IMMP2L: variants seen among roughly 807,000 people sequenced by gnomAD.
IMMP2L encodes inner mitochondrial membrane peptidase subunit 2.
Under a neutral mutation model 19.3 loss-of-function variants are expected in IMMP2L, and 18 were observed. The ratio of observed to expected loss-of-function variants is 0.93; its 90% CI spans 0.64 to 1.38. The LOEUF (loss-of-function observed/expected upper bound fraction) is 1.38, where lower values mean the gene tolerates loss of function less well. Among genes scored for constraint, IMMP2L ranks in the 40% most tolerant of loss-of-function variants. The probability of loss-of-function intolerance (pLI) is 0.00; values close to 1 mark genes in which losing one functional copy is unlikely to be tolerated. For synonymous variants in IMMP2L, 76 were observed against 73.0 expected, an observed-to-expected ratio of 1.04 and a Z score of -0.21; for missense variants, 233 against 218.2, an observed-to-expected ratio of 1.07 and a Z score of -0.43.
chr7:110,925,760 T>C (rs1330069571), intron 4 of IMMP2L, among the ~76,000 whole-genome samples: 1 of 151,998 alleles, frequency 6.6e-6, no homozygotes, highest in East Asian at 1.9e-4. Context: ...AACTGCTAAA[T>C]GTGTAAGCAA....
chr7:111,208,219 A>T (rs1200950302), intron 3 of IMMP2L, among the ~76,000 whole-genome samples: 1 of 152,318 alleles, frequency 6.6e-6, no homozygotes, highest in Non-Finnish European at 1.5e-5. Context: ...TATTTTAACA[A>T]CATTCTCTCA....
intron 3 of IMMP2L, among the ~76,000 whole-genome samples, chr7:111,046,237 G>C (rs904771639): frequency 6.6e-6 from 1 of 151,912 alleles, no homozygotes; most frequent in Non-Finnish European, 1.5e-5. Context: ...ATAAACTGTA[G>C]ACTTACCACA....
intron 3 of IMMP2L, among the ~76,000 whole-genome samples, chr7:111,470,768 T>G (rs1444651899): frequency 4.0e-5 from 6 of 149,686 alleles, no homozygotes; most frequent in Non-Finnish European, 5.9e-5. Flanking sequence ...GAGATATACC[T>G]AATGCTAAAT....
At chr7:110,832,929 T>C (rs888435862) in intron 5 of IMMP2L, among the ~76,000 whole-genome samples, 2 of 152,212 alleles carry the variant, frequency 1.3e-5, no homozygotes, top group African/African-American at 2.4e-5. Context: ...CAGGTTTCCC[T>C]GCTCCCTCCA....
intron 5 of IMMP2L, among the ~76,000 whole-genome samples, chr7:110,664,581 G>A (rs1323433257): frequency 2.0e-5 from 3 of 152,036 alleles, no homozygotes; most frequent in African/African-American, 7.2e-5. Context: ...CATCAATTTC[G>A]GTGAACAGGA....
At chr7:111,059,929 A>G (rs917199722) in intron 3 of IMMP2L, among the ~76,000 whole-genome samples, 4 of 145,758 alleles carry the variant, frequency 2.7e-5, no homozygotes, top group Non-Finnish European at 4.4e-5. Context: ...TTGTGAAAAA[A>G]AAAAAAGAAA....
intron 4 of IMMP2L, among the ~76,000 whole-genome samples, chr7:110,891,059 T>C (rs1448706661): frequency 6.6e-6 from 1 of 152,000 alleles, no homozygotes; most frequent in Non-Finnish European, 1.5e-5. Flanking sequence ...ATTTTTCAAA[T>C]TATTCTCTTA....
chr7:110,997,870 T>C (rs1253106658), intron 3 of IMMP2L, among the ~76,000 whole-genome samples: 1 of 152,116 alleles, frequency 6.6e-6, no homozygotes, highest in East Asian at 1.9e-4. Flanking sequence ...AAAAAATATA[T>C]ACATGTGGAA....
At position 111,397,014 on chromosome 7, in the gene IMMP2L, G is replaced by A. The variant is rs190357943; in HGVS notation, c.239+90224C>T. ...GACGCAGGAGAATGGTATGAACCAG[G>A]GAGGCAGAGCTTGCAGTGAGCTGAG... On this transcript the variant is annotated intron_variant, in intron 3 of 5. Transcript: ENST00000405709. 5.8e-4 allele frequency among the ~76,000 whole-genome samples: 88 copies of A among 152,146 alleles called. 2 individuals carry two copies. The highest frequency in any genetic ancestry group is 2.0e-3 in the African/African-American group (82 of 41,524).
At chr7:111,236,747 C>T (rs999875010) in intron 3 of IMMP2L, among the ~76,000 whole-genome samples, 1 of 152,146 alleles carries the variant, frequency 6.6e-6, no homozygotes, top group African/African-American at 2.4e-5. Context: ...AGACTACCAA[C>T]ATTCACCTGG....
At chr7:111,236,048 T>A (rs1407909718) in intron 3 of IMMP2L, among the ~76,000 whole-genome samples, 1 of 152,096 alleles carries the variant, frequency 6.6e-6, no homozygotes, top group Non-Finnish European at 1.5e-5. Context: ...CATCTTCCAT[T>A]TCTGTGCTTA....
At chr7:111,555,449 T>A (rs1254917915) in intron 1 of IMMP2L, among the ~76,000 whole-genome samples, 1 of 71,672 alleles carries the variant, frequency 1.4e-5, no homozygotes, top group Non-Finnish European at 3.6e-5. Flanking sequence ...GACAACCTAA[T>A]CTTCATTCAC....
At chr7:110,768,002 A>G (rs759383028) in intron 5 of IMMP2L, among the ~76,000 whole-genome samples, 1 of 152,228 alleles carries the variant, frequency 6.6e-6, no homozygotes, top group Non-Finnish European at 1.5e-5. Context: ...GCAGTAAACT[A>G]GTGTGCAAAA....
intron 2 of IMMP2L, among the ~76,000 whole-genome samples, chr7:111,498,296 A>T (rs1333030104): frequency 6.6e-6 from 1 of 152,176 alleles, no homozygotes; most frequent in East Asian, 1.9e-4. Context: ...AGTTCTAATT[A>T]ACCATATCAG....
At chr7:110,962,155 T>C (rs1269895948) in intron 4 of IMMP2L, among the ~76,000 whole-genome samples, 1 of 151,972 alleles carries the variant, frequency 6.6e-6, no homozygotes, top group Admixed American at 6.6e-5. Context: ...GACATGAAAA[T>C]TGTTGCTACG....
At chr7:110,718,801 G>A (rs17157920) in intron 5 of IMMP2L, among the ~76,000 whole-genome samples, 1 of 152,090 alleles carries the variant, frequency 6.6e-6, no homozygotes, top group Non-Finnish European at 1.5e-5. Context: ...GCAGATAGAG[G>A]TTGGCTCAGG....
intron 3 of IMMP2L, among the ~76,000 whole-genome samples, chr7:111,306,650 G>C (rs1822911285): frequency 9.0e-6 from 1 of 111,198 alleles, no homozygotes; most frequent in Non-Finnish European, 1.9e-5. Flanking sequence ...GTGTGTGTGT[G>C]TGTGTCCAGT....
At chr7:111,142,339 AAAAAGAAAGAAAG>A (rs1462654198) in intron 3 of IMMP2L, among the ~76,000 whole-genome samples, 3 of 11,880 alleles carry the variant, frequency 2.5e-4, no homozygotes, top group African/African-American at 3.2e-4. Context: ...AAAAAAAAAA[AAAAAGAAAGAAAG>A]AAAGAAAGAA....
In IMMP2L at chr7:111,535,126, C is replaced by T. The variant is rs184254331; in HGVS notation, c.-2-13677G>A. Reference sequence around the variant, plus strand: ...TGGTTTCAAATGATCTGTTCCTAGCCCTATTTTCTTTATAAGCCCTAAAAT... The same window carrying T: ...TGGTTTCAAATGATCTGTTCCTAGCTCTATTTTCTTTATAAGCCCTAAAAT... On this transcript the variant is annotated intron_variant, in intron 1 of 5. Coordinates refer to ENST00000405709, the MANE Select transcript of IMMP2L (RefSeq NM_032549.4). Among the ~76,000 whole-genome samples the T allele has an allele frequency of 1.6e-3, 247 of 152,074 alleles. 1 individual carries two copies. The highest frequency in any genetic ancestry group is 5.8e-3 in the African/African-American group (241 of 41,482).
Sources: gnomAD v4.1 joint callset for allele counts (sites outside exome capture counted in the v4.1 genomes callset) on GRCh38, gnomAD v4.1.1 for gene constraint, MANE v1.5 for transcripts, NCBI Gene and HGNC (gene_info 2026-07-23, HGNC 2026-07-21) for gene names.